The following ARID1B variants were observed in gnomAD, a reference collection of about 807,000 sequenced individuals.
The protein encoded by ARID1B is AT-rich interactive domain-containing protein 1B.
A neutral mutation model predicts 212.3 loss-of-function variants in ARID1B; 30 were observed. The ratio of observed to expected loss-of-function variants is 0.14; its 90% CI spans 0.11 to 0.19. The LOEUF (loss-of-function observed/expected upper bound fraction) is 0.19. Ranked by LOEUF, ARID1B falls within the 10% of genes least tolerant of loss-of-function variation. The pLI is 1.00. For missense variants in ARID1B, 2,891 were observed against 3,204.0 expected, an observed-to-expected ratio of 0.90 and a Z score of 2.36; for synonymous variants, 1,402 against 1,301.7, an observed-to-expected ratio of 1.08 and a Z score of -1.66.
rs180675425 is a variant in ARID1B at position 157,103,889 on chromosome 6, G to A, written c.2492-6583G>A. Among the ~76,000 whole-genome samples the A allele has an allele frequency of 9.7e-4, 145 of 149,286 alleles. 4 individuals are homozygous for A. In the East Asian group the frequency reaches 0.023, roughly 24 times the overall value. ...CTTGCTCTGTTGCCCAGGCTGGAGGGCAGTAATGTGATCTCGGCTCACTGC... is the reference window on the plus strand; with the variant it reads ...CTTGCTCTGTTGCCCAGGCTGGAGGACAGTAATGTGATCTCGGCTCACTGC... On this transcript the variant is annotated intron_variant, in intron 5 of 19. Coordinates refer to ENST00000636930, the MANE Select transcript of ARID1B (RefSeq NM_001374828.1).
chr6:156,844,531 A>G (rs567238158), intron 2 of ARID1B, among the ~76,000 whole-genome samples: 2 of 152,372 alleles, frequency 1.3e-5, no homozygotes, highest in South Asian at 4.1e-4. Context: ...TTTGCAGTCT[A>G]CATTGCTGGT....
At chr6:156,908,627 G>A (rs1789603151) in intron 3 of ARID1B, among the ~76,000 whole-genome samples, 1 of 151,728 alleles carries the variant, frequency 6.6e-6, no homozygotes, top group South Asian at 2.1e-4. Context: ...GTTTGATGAA[G>A]CTAAATATGA....
chr6:156,992,125 T>C (rs1386907331), intron 4 of ARID1B, among the ~76,000 whole-genome samples: 1 of 152,224 alleles, frequency 6.6e-6, no homozygotes, highest in East Asian at 1.9e-4. Flanking sequence ...GTATGTCATG[T>C]ATAATAACTG....
chr6:156,782,068 C>T (rs568342612), intron 1 of ARID1B, among the ~76,000 whole-genome samples: 7 of 137,862 alleles, frequency 5.1e-5, no homozygotes, highest in African/African-American at 1.9e-4. Flanking sequence ...AGTACCTTAC[C>T]GTGTAACATG....
chr6:156,819,291 G>A (rs1443682265), intron 1 of ARID1B, among the ~76,000 whole-genome samples: 3 of 152,156 alleles, frequency 2.0e-5, no homozygotes, highest in Non-Finnish European at 4.4e-5. Flanking sequence ...AAATGTTAAA[G>A]CCATGATAAA....
At chr6:156,903,137 A>G (rs919907446) in intron 3 of ARID1B, among the ~76,000 whole-genome samples, 1 of 152,206 alleles carries the variant, frequency 6.6e-6, no homozygotes, top group African/African-American at 2.4e-5. Context: ...TCCTTTAAAA[A>G]TTATTCACTG....
chr6:156,783,970 T>C (rs1779458188), intron 1 of ARID1B, among the ~76,000 whole-genome samples: 1 of 152,198 alleles, frequency 6.6e-6, no homozygotes, highest in Non-Finnish European at 1.5e-5. Flanking sequence ...AGAAGTGTGG[T>C]GTGTTGCATA....
intron 7 of ARID1B, among the ~76,000 whole-genome samples, chr6:157,143,211 A>G (rs1789495187): frequency 6.6e-6 from 1 of 152,128 alleles, no homozygotes; most frequent in Non-Finnish European, 1.5e-5. Flanking sequence ...TGGCTGCAAG[A>G]CCAGTCCAGC....
intron 4 of ARID1B, among the ~76,000 whole-genome samples, chr6:156,989,196 G>A (rs186732681): frequency 6.6e-6 from 1 of 152,216 alleles, no homozygotes; most frequent in African/African-American, 2.4e-5. Context: ...TGGTTGCTTT[G>A]CGAAACCCCT....
chr6:157,114,445 A>G (rs1476890016), intron 6 of ARID1B, among the ~76,000 whole-genome samples: 2 of 146,830 alleles, frequency 1.4e-5, no homozygotes, highest in African/African-American at 5.2e-5. Flanking sequence ...AATCGCTTGA[A>G]CCAGGGAGGC....
intron 6 of ARID1B, among the ~76,000 whole-genome samples, chr6:157,124,752 A>G (rs1788023568): frequency 6.6e-6 from 1 of 152,324 alleles, no homozygotes; most frequent in South Asian, 2.1e-4. Flanking sequence ...GGATCATGAC[A>G]TAAAATATGT....
In ARID1B at chr6:156,831,493, C is replaced by G. The variant is rs534949116; in HGVS notation, c.1986+2072C>G. Among the ~76,000 whole-genome samples the G allele has an allele frequency of 1.7e-3, 254 of 152,350 alleles. 2 individuals carry two copies. The highest frequency in any genetic ancestry group is 5.7e-3 in the African/African-American group (239 of 41,582). On this transcript the variant is annotated intron_variant, in intron 2 of 19. Coordinates refer to ENST00000636930, the MANE Select transcript of ARID1B (RefSeq NM_001374828.1). Reference sequence around the variant, plus strand: ...AAGGAGTTAAGTCTCACTAGAAGTTCTAGATGTTGGCTTAGTTTCCAGTCC... The same window carrying G: ...AAGGAGTTAAGTCTCACTAGAAGTTGTAGATGTTGGCTTAGTTTCCAGTCC...
intron 1 of ARID1B, among the ~76,000 whole-genome samples, chr6:156,782,706 G>A (rs752955909): frequency 6.6e-6 from 1 of 152,112 alleles, no homozygotes; most frequent in Non-Finnish European, 1.5e-5. Flanking sequence ...ATTTTAGGGT[G>A]TCTGATATTT....
intron 4 of ARID1B, among the ~76,000 whole-genome samples, chr6:157,040,348 G>T (rs540184143): frequency 3.4e-4 from 52 of 152,340 alleles, no homozygotes; most frequent in African/African-American, 1.3e-3. Flanking sequence ...TAACTCAAGT[G>T]TCTAAGTCAC....
intron 4 of ARID1B, among the ~76,000 whole-genome samples, chr6:156,948,214 T>C (rs748643854): frequency 1.3e-5 from 2 of 152,206 alleles, no homozygotes; most frequent in Non-Finnish European, 2.9e-5. Context: ...AGTTGCTGCA[T>C]TTATTTATTT....
At chr6:156,897,191 ACTGCTGCTGCTG>A (rs576037969) in intron 2 of ARID1B, among the ~76,000 whole-genome samples, 1,288 of 111,932 alleles carry the variant, frequency 0.012, 15 homozygotes, top group Middle Eastern at 0.04. Context: ...TGCTGCTGCT[ACTGCTGCTGCTG>A]CTGCTGCTGC....
intron 4 of ARID1B, among the ~76,000 whole-genome samples, chr6:156,969,339 T>C (rs967192516): frequency 3.3e-5 from 5 of 152,168 alleles, no homozygotes; most frequent in African/African-American, 1.2e-4. Context: ...TTGTACCCCT[T>C]TCAGCCCCAG....
At chr6:156,998,614 C>T (rs573435392) in intron 4 of ARID1B, among the ~76,000 whole-genome samples, 10 of 152,232 alleles carry the variant, frequency 6.6e-5, no homozygotes, top group South Asian at 4.2e-4. Context: ...GCTGTGCAGC[C>T]GACAGCAGCC....
At chr6:157,093,607 A>C (rs1333795449) in intron 5 of ARID1B, among the ~76,000 whole-genome samples, 1 of 152,266 alleles carries the variant, frequency 6.6e-6, no homozygotes, top group Non-Finnish European at 1.5e-5. Flanking sequence ...TGATATAACT[A>C]GGAATTGTTA....
Sources: allele counts gnomAD v4.1 joint callset (sites outside exome capture counted in the v4.1 genomes callset), GRCh38; gene constraint gnomAD v4.1.1; transcripts MANE v1.5; gene names NCBI Gene and HGNC (gene_info 2026-07-23, HGNC 2026-07-21).